Variants in STPG1 observed in about 807,000 individuals in gnomAD.
STPG1 encodes the protein sperm tail PG-rich repeat containing 1.
STPG1 carries 33 observed loss-of-function variants against 40.1 expected under a neutral mutation model. That is an observed-to-expected ratio of 0.82 (90% CI 0.62 to 1.10). STPG1 has a LOEUF of 1.10. Among genes scored for constraint, STPG1 ranks in the 50% least tolerant of loss-of-function variants. STPG1 has a pLI of 0.00. For missense variants in STPG1, 396 were observed against 415.1 expected, an observed-to-expected ratio of 0.95 and a Z score of 0.40; for synonymous variants, 150 against 155.0, an observed-to-expected ratio of 0.97 and a Z score of 0.24.
rs1183168736 is a variant in STPG1 at position 24,401,392 on chromosome 1, A to G, written c.-4T>C. The G allele has an allele frequency of 6.2e-7, 1 of 1,613,842 alleles. No individual in the cohort carries two copies. The highest frequency in any genetic ancestry group is 1.7e-5 in the Admixed American group (1 of 59,992). On this transcript the variant is annotated 5_prime_UTR_variant, in exon 2 of 9. An upstream open reading frame in the 5' UTR loses its in-frame stop. Coordinates refer to ENST00000337248, the MANE Select transcript of STPG1 (RefSeq NM_001199013.2). ...TTTTCTGTGCAGAGTTGTCCATGTT[A>G]GCAAAATTCTGTGACGTGTTCCATT...
At chr1:24,390,519 T>A (rs950413986) in intron 3 of STPG1, among the ~76,000 whole-genome samples, 1 of 152,076 alleles carries the variant, frequency 6.6e-6, no homozygotes, top group Non-Finnish European at 1.5e-5. Context: ...CCTAGGTTCA[T>A]GTGATTCTCC....
In STPG1 at chr1:24,359,382, C is replaced by G. The variant is rs191915753; in HGVS notation, c.929-763G>C. ...GTCAAAGCAGGATCCCTGCCTATGC[C>G]CTACCCTCTCTGGAGCTCACCCCTT... On this transcript the variant is annotated intron_variant, in intron 8 of 8. Transcript: ENST00000337248. The surrounding 1 kb of genome is among the most constrained non-coding windows in gnomAD (Gnocchi z 5.3). Among the ~76,000 whole-genome samples, 3 of 152,314 alleles carry G rather than the reference C, an allele frequency of 2.0e-5. No homozygotes were observed. Among genetic ancestry groups the G allele is most frequent in the East Asian group, 3.9e-4 (2 of 5,186 alleles).
chr1:24,401,951 T>G (rs914422698), intron 1 of STPG1, among the ~76,000 whole-genome samples: 5 of 152,308 alleles, frequency 3.3e-5, no homozygotes, highest in African/African-American at 1.2e-4. Context: ...CCATCCAAAG[T>G]GCTAGGATTA....
chr1:24,412,607 C>A (rs189802048), intron 1 of STPG1, among the ~76,000 whole-genome samples: 9 of 152,260 alleles, frequency 5.9e-5, no homozygotes, highest in Admixed American at 5.2e-4. Context: ...ACCCGTAATC[C>A]CAGCACTTTG....
intron 2 of STPG1, chr1:24,391,915 A>G: frequency 8.0e-7 from 1 of 1,252,050 alleles, no homozygotes; most frequent in Non-Finnish European, 1.0e-6. Context: ...ATGTGGTCAC[A>G]TAAAGTACCT....
chr1:24,394,218 C>G (rs999135020), intron 2 of STPG1, among the ~76,000 whole-genome samples: 7 of 152,170 alleles, frequency 4.6e-5, no homozygotes, highest in Admixed American at 2.6e-4. Flanking sequence ...CCTCATAATT[C>G]ATGGAACATA....
At chr1:24,379,855 G>A in intron 4 of STPG1, 32 bp from the exon 5 acceptor site, 1 of 1,603,396 alleles carries the variant, frequency 6.2e-7, no homozygotes, top group Non-Finnish European at 8.5e-7. Flanking sequence ...AATCAGCATT[G>A]TCACATAATA....
At chr1:24,411,709 C>T (rs1643667554) in intron 1 of STPG1, 1 of 152,256 alleles carries the variant, frequency 6.6e-6, no homozygotes, top group Non-Finnish European at 1.5e-5. Context: ...TCCCAAAGCA[C>T]TGGGATTACA....
intron 2 of STPG1, among the ~76,000 whole-genome samples, chr1:24,400,584 ATC>A (rs1322565430): frequency 1.3e-5 from 2 of 152,210 alleles, no homozygotes; most frequent in African/African-American, 2.4e-5. Flanking sequence ...AGAAAGAGAG[ATC>A]TCTCTGGATT....
chr1:24,394,426 A>G (rs1289908485), intron 2 of STPG1, among the ~76,000 whole-genome samples: 1 of 152,236 alleles, frequency 6.6e-6, no homozygotes, highest in African/African-American at 2.4e-5. Context: ...GTAAAATTCA[A>G]AATACCTGGC....
chr1:24,367,613 G>A (rs369189098), intron 7 of STPG1, among the ~76,000 whole-genome samples: 3 of 152,080 alleles, frequency 2.0e-5, no homozygotes, highest in African/African-American at 4.8e-5. Flanking sequence ...CCACCTCCCC[G>A]GTTCAAGCAA....
intron 2 of STPG1, among the ~76,000 whole-genome samples, chr1:24,395,982 C>CA (rs58022759): frequency 0.21 from 31,052 of 145,838 alleles, 3,380 homozygotes; most frequent in East Asian, 0.29. Context: ...GGCTCCATCT[C>CA]AAAAAAAAAA....
At chr1:24,391,201 G>A (rs1642756162) in intron 3 of STPG1, 1 of 157,382 alleles carries the variant, frequency 6.4e-6, no homozygotes, top group African/African-American at 2.4e-5. Flanking sequence ...CTCTCACAAG[G>A]ATGGGGAAGA....
intron 1 of STPG1, among the ~76,000 whole-genome samples, chr1:24,409,488 G>A (rs1384848524): frequency 3.3e-5 from 5 of 152,212 alleles, no homozygotes; most frequent in Non-Finnish European, 1.5e-5. Flanking sequence ...CTGGAATTAT[G>A]AGTGATTAGA....
chr1:24,391,756 T>C (rs773918134), intron 2 of STPG1, 77 bp from the exon 3 acceptor site: 3 of 1,214,670 alleles, frequency 2.5e-6, no homozygotes, highest in Non-Finnish European at 3.3e-6. Context: ...CAAAGGTGTA[T>C]ATTAAAGTTT....
Position 24,399,775 on chromosome 1 carries a change from T to TC in STPG1, c.70+1543dup, listed in dbSNP as rs1159851574. 9.9e-5 allele frequency among the ~76,000 whole-genome samples: 15 copies of TC among 152,114 alleles called. No homozygotes were observed. The highest frequency in any genetic ancestry group is 3.6e-4 in the African/African-American group (15 of 41,420). On this transcript the variant is annotated intron_variant, in intron 2 of 8. Transcript: ENST00000337248. This position sits in a 1 kb window ranked among gnomAD's most constrained non-coding sequence, Gnocchi z 4.0. ...GAAAATGGGCAAAAAAGTTGAACAG[T>TC]CACTTCTCCAAAGAGAATATCCAAA...
chr1:24,390,977 TTTTTC>T lies in STPG1; in HGVS notation c.189+579_189+583del, dbSNP rs796812784. ...ACTATGCCAAGCTAATTTTTGTACT[TTTTTC>T]TTTTCTTTTCTTTTCTTGTAGAGAT... On this transcript the variant is annotated intron_variant, in intron 3 of 8. Transcript: ENST00000337248. 2.4e-3 allele frequency among the ~76,000 whole-genome samples: 359 copies of T among 151,998 alleles called. 3 individuals carry two copies. The highest frequency in any genetic ancestry group is 6.2e-3 in the African/African-American group (257 of 41,442).
At chr1:24,412,802 T>A (rs1000704201) in intron 1 of STPG1, among the ~76,000 whole-genome samples, 1 of 152,222 alleles carries the variant, frequency 6.6e-6, no homozygotes, top group African/African-American at 2.4e-5. Context: ...CTTTTAGCAA[T>A]TGTGTGTACA....
intron 7 of STPG1, among the ~76,000 whole-genome samples, chr1:24,366,167 C>T (rs893440521): frequency 2.0e-5 from 3 of 152,194 alleles, no homozygotes; most frequent in African/African-American, 7.2e-5. Flanking sequence ...CAACCCAAGA[C>T]AGATGAGGGC....
Sources: allele counts gnomAD v4.1 joint callset (sites outside exome capture counted in the v4.1 genomes callset), GRCh38; gene constraint gnomAD v4.1.1; non-coding constraint Gnocchi (gnomAD v3.1); transcripts MANE v1.5; gene names NCBI Gene and HGNC (gene_info 2026-07-23, HGNC 2026-07-21).